The following PDE6A variants were observed in gnomAD, a reference collection of about 807,000 sequenced individuals.
The protein encoded by PDE6A is rod cGMP-specific 3',5'-cyclic phosphodiesterase subunit alpha.
A neutral mutation model predicts 106.3 loss-of-function variants in PDE6A; 84 were observed. That is an observed-to-expected ratio of 0.79 (90% confidence interval 0.66 to 0.95). The LOEUF (loss-of-function observed/expected upper bound fraction) is 0.95, where lower values mean the gene tolerates loss of function less well. PDE6A is among the 40% of genes least tolerant of loss of function. The pLI, the probability that PDE6A is intolerant of heterozygous loss-of-function variation, is 0.00. For synonymous variants in PDE6A, 394 were observed against 386.6 expected (o/e 1.02, Z -0.23); for missense variants, 1,052 against 1,084.9 (o/e 0.97, Z 0.43).
intron 3 of PDE6A, among the ~76,000 whole-genome samples, chr5:149,933,637 A>G (rs1368705906): frequency 6.6e-6 from 1 of 152,098 alleles, no homozygotes; most frequent in African/African-American, 2.4e-5. Context: ...AATCATCCCT[A>G]TTTTTCAAAT....
intron 5 of PDE6A, among the ~76,000 whole-genome samples, chr5:149,916,078 T>A (rs1197872670): frequency 6.6e-6 from 1 of 152,192 alleles, no homozygotes; most frequent in Non-Finnish European, 1.5e-5. Context: ...GCTCACGTGA[T>A]CCTCCTGCCT....
chr5:149,938,938 C>G (rs899721540), intron 1 of PDE6A, among the ~76,000 whole-genome samples: 1 of 152,106 alleles, frequency 6.6e-6, no homozygotes, highest in Admixed American at 6.5e-5. Flanking sequence ...TTGGAGGGTG[C>G]TAAAGGTTGA....
At chr5:149,881,394 G>T (rs749102533) in intron 17 of PDE6A, among the ~76,000 whole-genome samples, 6 of 152,142 alleles carry the variant, frequency 3.9e-5, no homozygotes, top group Non-Finnish European at 7.3e-5. Context: ...TTCCATACGT[G>T]CCATGGAATA....
At chr5:149,862,084 A>T (rs572294231) in intron 21 of PDE6A, among the ~76,000 whole-genome samples, 39 of 152,306 alleles carry the variant, frequency 2.6e-4, no homozygotes, top group African/African-American at 9.4e-4. Context: ...GACATTTTCC[A>T]TGTGTAAGAG....
chr5:149,942,518 T>A (rs1328849575), intron 1 of PDE6A, among the ~76,000 whole-genome samples: 3 of 151,952 alleles, frequency 2.0e-5, no homozygotes, highest in African/African-American at 4.8e-5. Flanking sequence ...GTATTTCTCG[T>A]CAGGTGGGAT....
At chr5:149,910,668 A>G (rs1247747971) in intron 6 of PDE6A, among the ~76,000 whole-genome samples, 2 of 152,150 alleles carry the variant, frequency 1.3e-5, no homozygotes, top group African/African-American at 4.8e-5. Flanking sequence ...ACTTACAACA[A>G]TATGAATGGT....
In PDE6A at chr5:149,863,416, G is replaced by C; in HGVS notation, c.2359-150C>G. Reference sequence around the variant, plus strand: ...ACCGTGCTGATACTGCAGGGCCTCCGGTCTACACCAGCCCATGCCTCACCT... The same window carrying C: ...ACCGTGCTGATACTGCAGGGCCTCCCGTCTACACCAGCCCATGCCTCACCT... On this transcript the variant is annotated intron_variant, in intron 20 of 21. Coordinates refer to ENST00000255266, the MANE Select transcript of PDE6A (RefSeq NM_000440.3). The surrounding 1 kb of genome is among the most constrained non-coding windows in gnomAD (Gnocchi z 4.7). The C allele has an allele frequency of 5.2e-6, 4 of 774,670 alleles. No individual in the cohort carries two copies. The highest frequency in any genetic ancestry group is 8.8e-6 in the Non-Finnish European group (4 of 453,962). The allele number at this position is 774,670 out of a possible 1,614,324, so 48.0% of individuals were successfully genotyped here. A position where few individuals can be genotyped will look rare whatever the true frequency, so the allele number is the denominator to read the frequency against.
intron 1 of PDE6A, among the ~76,000 whole-genome samples, chr5:149,943,787 GTGTAGAAGTAC>G (rs1373780139): frequency 6.7e-6 from 1 of 150,226 alleles, no homozygotes; most frequent in Admixed American, 6.7e-5. Context: ...TGGAAGTACT[GTGTAGAAGTAC>G]TGTGGAAGTA....
At chr5:149,875,266 G>A (rs2113527730) in intron 17 of PDE6A, among the ~76,000 whole-genome samples, 1 of 152,218 alleles carries the variant, frequency 6.6e-6, no homozygotes, top group African/African-American at 2.4e-5. Flanking sequence ...ATCCCTCAAG[G>A]CGCAGAACAG....
At chr5:149,891,135 C>T (rs1488049280) in intron 13 of PDE6A, among the ~76,000 whole-genome samples, 1 of 152,128 alleles carries the variant, frequency 6.6e-6, no homozygotes, top group Non-Finnish European at 1.5e-5. Context: ...GATAAAATGA[C>T]AGAAATGATG....
chr5:149,908,187 A>G (rs1177460451), intron 6 of PDE6A, among the ~76,000 whole-genome samples: 2 of 151,970 alleles, frequency 1.3e-5, no homozygotes, highest in Non-Finnish European at 2.9e-5. Flanking sequence ...TTACTGACTT[A>G]CAGTGTTCCC....
chr5:149,897,510 T>C (rs1752798634), intron 10 of PDE6A, among the ~76,000 whole-genome samples: 1 of 152,238 alleles, frequency 6.6e-6, no homozygotes, highest in African/African-American at 2.4e-5. Flanking sequence ...TTAACAGTTA[T>C]TGGAATGAAA....
chr5:149,863,328 G>T lies in PDE6A; in HGVS notation c.2359-62C>A. ...AGGCCACAGGGTCTGGGCTCAAGCG[G>T]GTGGCACAGCTGGAAACGTCCAACA... On this transcript the variant is annotated intron_variant, in intron 20 of 21. Coordinates refer to ENST00000255266, the MANE Select transcript of PDE6A (RefSeq NM_000440.3). The surrounding 1 kb of genome is among the most constrained non-coding windows in gnomAD (Gnocchi z 4.7). 1 of 1,566,896 alleles carries T rather than the reference G, an allele frequency of 6.4e-7. No homozygotes were observed. The highest frequency in any genetic ancestry group is 8.8e-7 in the Non-Finnish European group (1 of 1,138,730).
intron 17 of PDE6A, among the ~76,000 whole-genome samples, chr5:149,878,726 T>C (rs1431510133): frequency 6.6e-6 from 1 of 152,216 alleles, no homozygotes; most frequent in Non-Finnish European, 1.5e-5. Flanking sequence ...CAATTATACC[T>C]CATTGTAGTT....
At chr5:149,943,170 G>T (rs4705100) in intron 1 of PDE6A, among the ~76,000 whole-genome samples, 26,143 of 152,036 alleles carry the variant, frequency 0.17, 2,401 homozygotes, top group South Asian at 0.28. Context: ...GCGGCCTTCC[G>T]CAGTGCATTG....
chr5:149,867,654 G>A lies in PDE6A; in HGVS notation c.2274+71C>T, dbSNP rs1403490454. 3.1e-6 allele frequency: 4 copies of A among 1,298,924 alleles called. No individual in the cohort carries two copies. The African/African-American group carries it at 4.4e-5, about 14-fold the overall frequency. The allele number at this position is 1,298,924 out of a possible 1,614,324, so 80.5% of individuals were successfully genotyped here. On this transcript the variant is annotated intron_variant, in intron 19 of 21. Transcript: ENST00000255266. ...GTAAAGTCACACATCTCTCCATCAT[G>A]GCGAGGTCATATCTAGGTCAGGATG...
chr5:149,875,934 T>G (rs1050491112), intron 17 of PDE6A, among the ~76,000 whole-genome samples: 1 of 152,252 alleles, frequency 6.6e-6, no homozygotes, highest in Non-Finnish European at 1.5e-5. Context: ...CACAGAATTT[T>G]ATCCTAATAT....
intron 5 of PDE6A, among the ~76,000 whole-genome samples, chr5:149,917,140 C>G (rs1753581562): frequency 6.7e-6 from 1 of 149,776 alleles, no homozygotes; most frequent in African/African-American, 2.5e-5. Context: ...TTTTGTCTGT[C>G]TTTATACAAT....
chr5:149,938,779 T>C (rs1187997740), intron 1 of PDE6A, among the ~76,000 whole-genome samples: 1 of 152,230 alleles, frequency 6.6e-6, no homozygotes, highest in African/African-American at 2.4e-5. Flanking sequence ...TTATATTTTT[T>C]CTGGCAGTCC....
Sources: gnomAD v4.1 joint callset for allele counts (sites outside exome capture counted in the v4.1 genomes callset) on GRCh38, gnomAD v4.1.1 for gene constraint, Gnocchi (gnomAD v3.1) non-coding constraint, MANE v1.5 for transcripts, NCBI Gene and HGNC (gene_info 2026-07-23, HGNC 2026-07-21) for gene names.